Variants in SORT1 observed in about 807,000 individuals in gnomAD.
The protein encoded by SORT1 is sortilin.
SORT1 carries 39 observed loss-of-function variants against 101.7 expected under a neutral mutation model. The ratio of observed to expected loss-of-function variants is 0.38; its 90% CI spans 0.30 to 0.50. The LOEUF (loss-of-function observed/expected upper bound fraction) is 0.50. Ranked by LOEUF, SORT1 falls within the 20% of genes least tolerant of loss-of-function variation. SORT1 has a pLI of 0.90. For missense variants in SORT1, 878 were observed against 1,040.4 expected, an observed-to-expected ratio of 0.84 and a Z score of 2.15; for synonymous variants, 396 against 393.7, an observed-to-expected ratio of 1.01 and a Z score of -0.07.
intron 10 of SORT1, among the ~76,000 whole-genome samples, chr1:109,338,911 T>A (rs1649021363): frequency 6.6e-6 from 1 of 151,436 alleles, no homozygotes; most frequent in Non-Finnish European, 1.5e-5. Context: ...GCAGTCTCAC[T>A]CTGTTGCCCA....
chr1:109,356,924 T>C lies in SORT1; in HGVS notation c.441-1455A>G, dbSNP rs57796023. ...TTCATTAAATTTAAGTATCCATCAA[T>C]GAAGACTGCTGTGCACTGCAAATTT... On this transcript the variant is annotated intron_variant, in intron 3 of 19. Coordinates refer to ENST00000256637, the MANE Select transcript of SORT1 (RefSeq NM_002959.7). Among the ~76,000 whole-genome samples, 647 of 152,340 alleles carry C rather than the reference T, an allele frequency of 4.2e-3. 7 individuals are homozygous for C. Among genetic ancestry groups the C allele is most frequent in the African/African-American group, 0.014 (592 of 41,578 alleles).
intron 1 of SORT1, among the ~76,000 whole-genome samples, chr1:109,375,384 A>C (rs1318344369): frequency 6.6e-6 from 1 of 152,004 alleles, no homozygotes; most frequent in South Asian, 2.1e-4. Context: ...TCTACTAAAA[A>C]TACAAAAAAT....
chr1:109,333,420 G>C (rs1199762422), intron 11 of SORT1, among the ~76,000 whole-genome samples: 1 of 152,102 alleles, frequency 6.6e-6, no homozygotes, highest in Non-Finnish European at 1.5e-5. Context: ...AAATCAGATT[G>C]TATCAAACTA....
At chr1:109,387,735 G>A (rs942869999) in intron 1 of SORT1, among the ~76,000 whole-genome samples, 5 of 152,094 alleles carry the variant, frequency 3.3e-5, no homozygotes, top group Non-Finnish European at 7.4e-5. Flanking sequence ...GGTGGATCAC[G>A]AGGTCAGGAG....
At position 109,358,330 on chromosome 1, in the gene SORT1, T is replaced by C. The variant is rs907744067; in HGVS notation, c.441-2861A>G. 5.5e-4 allele frequency among the ~76,000 whole-genome samples: 83 copies of C among 152,228 alleles called. 1 individual carries two copies. Among genetic ancestry groups the C allele is most frequent in the Admixed American group, 1.6e-3 (25 of 15,282 alleles). ...ATACATATCATGAAGATATGTATGG[T>C]CTCAAACTCCTGGCCTCAAGCAATC... On this transcript the variant is annotated intron_variant, in intron 3 of 19. Coordinates refer to ENST00000256637, the MANE Select transcript of SORT1 (RefSeq NM_002959.7).
intron 10 of SORT1, among the ~76,000 whole-genome samples, chr1:109,340,146 C>CAAAA (rs34790280): frequency 6.2e-5 from 6 of 96,262 alleles, no homozygotes; most frequent in Admixed American, 1.2e-4. Context: ...GATTCCATCT[C>CAAAA]AAAAAAAAAA....
Position 109,348,746 on chromosome 1 carries a change from G to C in SORT1, c.783-1214C>G, listed in dbSNP as rs117035701. On this transcript the variant is annotated intron_variant, in intron 6 of 19. Transcript: ENST00000256637. Reference sequence around the variant, plus strand: ...GGTCTCAAGCAATCCTTCCATCTCAGCCTCCCAAAGTGCTTGGATTAGGGG... The same window carrying C: ...GGTCTCAAGCAATCCTTCCATCTCACCCTCCCAAAGTGCTTGGATTAGGGG... Among the ~76,000 whole-genome samples, 65 of 152,144 alleles carry C rather than the reference G, an allele frequency of 4.3e-4. No individual in the cohort carries two copies. In the East Asian group the frequency reaches 0.011, roughly 27 times the overall value.
intron 6 of SORT1, among the ~76,000 whole-genome samples, chr1:109,347,787 C>T (rs1031286724): frequency 6.6e-5 from 10 of 152,224 alleles, no homozygotes. Flanking sequence ...TCTACTCACC[C>T]TCTCAACATT....
At chr1:109,348,437 G>T (rs1056822986) in intron 6 of SORT1, among the ~76,000 whole-genome samples, 15 of 151,580 alleles carry the variant, frequency 9.9e-5, no homozygotes, top group Admixed American at 7.9e-4. Flanking sequence ...CCTTGCATAG[G>T]ATACAAAACA....
At chr1:109,337,884 C>T (rs1648940165) in intron 10 of SORT1, among the ~76,000 whole-genome samples, 1 of 152,130 alleles carries the variant, frequency 6.6e-6, no homozygotes, top group South Asian at 2.1e-4. Flanking sequence ...CTTTGGTCTC[C>T]CAAAGTGCTA....
chr1:109,349,626 G>T (rs1295877486), intron 6 of SORT1, among the ~76,000 whole-genome samples: 1 of 151,990 alleles, frequency 6.6e-6, no homozygotes, highest in Non-Finnish European at 1.5e-5. Context: ...ACAAAAATTA[G>T]CTAGGCATGG....
rs370117927 is a variant in SORT1, at chr1:109,358,323, T to C, written c.441-2854A>G. On this transcript the variant is annotated intron_variant, in intron 3 of 19. Transcript: ENST00000256637. Reference sequence around the variant, plus strand: ...TATCAGCATACATATCATGAAGATATGTATGGTCTCAAACTCCTGGCCTCA... The same window carrying C: ...TATCAGCATACATATCATGAAGATACGTATGGTCTCAAACTCCTGGCCTCA... 5.9e-5 allele frequency among the ~76,000 whole-genome samples: 9 copies of C among 152,146 alleles called. No individual in the cohort carries two copies. The East Asian group carries it at 1.3e-3, about 23-fold the overall frequency.
rs1271449658 is a variant in SORT1 at position 109,312,470 on chromosome 1, C to T, written c.*1573G>A. 6.6e-6 allele frequency: 1 copy of T among 151,826 alleles called. No individual in the cohort carries two copies. The highest frequency in any genetic ancestry group is 2.1e-4 in the South Asian group (1 of 4,794). The allele number at this position is 151,826 out of a possible 1,614,324, so 9.4% of individuals were successfully genotyped here. Reference sequence around the variant, plus strand: ...CCATTCTGGGGAGGAGAGAACTTAGCCATCTGCTCACATTCTGACTAAAGT... The same window carrying T: ...CCATTCTGGGGAGGAGAGAACTTAGTCATCTGCTCACATTCTGACTAAAGT... On this transcript the variant is annotated 3_prime_UTR_variant, in exon 20 of 20. Coordinates refer to ENST00000256637, the MANE Select transcript of SORT1 (RefSeq NM_002959.7).
At chr1:109,337,280 CTT>C (rs1040302162) in intron 10 of SORT1, among the ~76,000 whole-genome samples, 4 of 152,008 alleles carry the variant, frequency 2.6e-5, no homozygotes, top group African/African-American at 9.7e-5. Context: ...GATTTTCGCT[CTT>C]GTTGCCCAGG....
In SORT1 at chr1:109,354,419, T is replaced by C; in HGVS notation, c.656A>G (p.Gln219Arg). The C allele has an allele frequency of 6.2e-7, 1 of 1,613,620 alleles. No individual in the cohort carries two copies. ...QTDLPFHPLT[Q>R]MMYSPQNSDY... Reference sequence around the variant, plus strand: ...AGAATTCTGAGGGCTATACATCATCTGAGTGAGAGGATGAAAAGGGAGATC... The same window carrying C: ...AGAATTCTGAGGGCTATACATCATCCGAGTGAGAGGATGAAAAGGGAGATC... The change falls in exon 5 of 20, where the codon CAG (glutamine) becomes CGG (arginine). Residue 219 changes from glutamine to arginine, a missense_variant. Transcript: ENST00000256637.
chr1:109,337,828 A>G (rs1381871691), intron 10 of SORT1, among the ~76,000 whole-genome samples: 3 of 151,744 alleles, frequency 2.0e-5, no homozygotes, highest in African/African-American at 4.8e-5. Flanking sequence ...GTTTCACCAT[A>G]TTGGCCAGGC....
At chr1:109,355,647 C>G (rs12030746) in intron 3 of SORT1, among the ~76,000 whole-genome samples, 178 bp from the exon 4 acceptor site, 49 of 55,116 alleles carry the variant, frequency 8.9e-4, no homozygotes, top group Non-Finnish European at 1.2e-3. Context: ...TTCCACCCGC[C>G]CCCCCCCCCA....
At chr1:109,358,746 C>A (rs1320525921) in intron 3 of SORT1, among the ~76,000 whole-genome samples, 1 of 151,784 alleles carries the variant, frequency 6.6e-6, no homozygotes, top group Non-Finnish European at 1.5e-5. Context: ...CCCTGCTACT[C>A]AGGAGGCTGA....
Position 109,374,552 on chromosome 1 carries a change from T to A in SORT1, c.307-4963A>T, listed in dbSNP as rs540311514. ...GTTGCAGTGAGCAGAGATTGGACCA[T>A]TGCACTACAGCTTGGGTGACAAGAA... On this transcript the variant is annotated intron_variant, in intron 1 of 19. Transcript: ENST00000256637. Among the ~76,000 whole-genome samples, 5 of 151,208 alleles carry A rather than the reference T, an allele frequency of 3.3e-5. No homozygotes were observed. In the South Asian group the frequency reaches 6.3e-4, roughly 19 times the overall value.
Sources: allele counts gnomAD v4.1 joint callset (sites outside exome capture counted in the v4.1 genomes callset), GRCh38; gene constraint gnomAD v4.1.1; transcripts MANE v1.5; gene names NCBI Gene and HGNC (gene_info 2026-07-23, HGNC 2026-07-21).